Variants in PHF24 observed in about 807,000 individuals in gnomAD.
PHF24 encodes the protein PHD finger protein 24.
A neutral mutation model predicts 42.6 loss-of-function variants in PHF24; 25 were observed. That is an observed-to-expected ratio of 0.59 (90% CI 0.43 to 0.82). PHF24 has a LOEUF of 0.82. Ranked by LOEUF, PHF24 falls within the 40% of genes least tolerant of loss-of-function variation. The pLI, the probability that PHF24 is intolerant of heterozygous loss-of-function variation, is 0.00. For synonymous variants in PHF24, 185 were observed against 204.8 expected (o/e 0.90, Z 0.83); for missense variants, 470 against 538.1 (o/e 0.87, Z 1.25).
chr9:34,902,537 T>G, the PHF24 span, among the ~76,000 whole-genome samples: 3 of 152,044 alleles, frequency 2.0e-5, no homozygotes, highest in African/African-American at 7.2e-5. Flanking sequence ...TAGTCCCAGC[T>G]ACGCAACTCA....
chr9:34,837,672 T>A, the PHF24 span: 6 of 1,519,294 alleles, frequency 3.9e-6, no homozygotes, highest in Non-Finnish European at 5.4e-6. Context: ...GCTGCATCTC[T>A]AGCTCTTTGC....
chr9:34,841,310 C>T, the PHF24 span, among the ~76,000 whole-genome samples: 8 of 152,140 alleles, frequency 5.3e-5, no homozygotes, highest in Admixed American at 6.5e-5. Context: ...GAAATTCACA[C>T]TTCTAAAAAA....
At chr9:34,686,111 T>C in the PHF24 span, among the ~76,000 whole-genome samples, 2 of 152,184 alleles carry the variant, frequency 1.3e-5, no homozygotes, top group Non-Finnish European at 2.9e-5. Flanking sequence ...TGTCCTTCCA[T>C]GTGGACAAAG....
At chr9:34,955,182 A>G (rs1002669136), upstream of PHF24, among the ~76,000 whole-genome samples, 4 of 152,220 alleles carry the variant, frequency 2.6e-5, no homozygotes, top group African/African-American at 9.6e-5. Context: ...CCAGAACAAT[A>G]TTCTCTACTT....
the PHF24 span, chr9:34,725,802 G>A: frequency 6.5e-7 from 1 of 1,549,096 alleles, no homozygotes; most frequent in African/African-American, 1.4e-5. Context: ...GTTTTAGGGA[G>A]CAGTTGGGGG....
the PHF24 span, chr9:34,723,340 C>T: frequency 1.3e-6 from 2 of 1,551,642 alleles, no homozygotes; most frequent in Non-Finnish European, 1.7e-6. Flanking sequence ...TGGAGTGTAG[C>T]CGGAGCTTAT....
the PHF24 span, among the ~76,000 whole-genome samples, chr9:34,715,495 T>C: frequency 1.3e-5 from 2 of 152,028 alleles, no homozygotes; most frequent in Non-Finnish European, 2.9e-5. Context: ...GATGCAGAGC[T>C]TGGGGAAGGG....
chr9:34,735,349 C>A, the PHF24 span, among the ~76,000 whole-genome samples: 22 of 144,864 alleles, frequency 1.5e-4, no homozygotes, highest in African/African-American at 5.4e-4. Context: ...ATTGGCCAGG[C>A]AGGTCTTGAA....
the PHF24 span, among the ~76,000 whole-genome samples, chr9:34,935,342 C>T: frequency 6.6e-6 from 1 of 152,218 alleles, no homozygotes; most frequent in Non-Finnish European, 1.5e-5. Flanking sequence ...TCCCAGCACC[C>T]CAGCACTCTG....
At chr9:34,802,867 C>T in the PHF24 span, among the ~76,000 whole-genome samples, 2 of 152,218 alleles carry the variant, frequency 1.3e-5, no homozygotes, top group Non-Finnish European at 2.9e-5. Context: ...TTGACCTTCA[C>T]TGACTTCATC....
the PHF24 span, among the ~76,000 whole-genome samples, chr9:34,681,998 G>A: frequency 0.098 from 78 of 800 alleles, 2 homozygotes; most frequent in Non-Finnish European, 7.9e-3. Context: ...TTTTTTTGAG[G>A]CAGGGTCTTG....
the PHF24 span, among the ~76,000 whole-genome samples, chr9:34,939,878 C>G: frequency 2.0e-5 from 3 of 152,122 alleles, no homozygotes; most frequent in African/African-American, 7.2e-5. Flanking sequence ...GGTACACATA[C>G]TCTCCCTTCT....
intron 1 of PHF24, among the ~76,000 whole-genome samples, chr9:34,967,254 G>A (rs907549716): frequency 3.3e-5 from 5 of 152,280 alleles, no homozygotes; most frequent in Non-Finnish European, 7.4e-5. Context: ...TTTTAGAGGT[G>A]CGTTCTTCAA....
chr9:34,943,436 G>T, the PHF24 span, among the ~76,000 whole-genome samples: 1 of 152,112 alleles, frequency 6.6e-6, no homozygotes, highest in African/African-American at 2.4e-5. Context: ...AAACTAAGCA[G>T]GTCCACTCTG....
chr9:34,738,929 T>G, the PHF24 span, among the ~76,000 whole-genome samples: 3 of 152,126 alleles, frequency 2.0e-5, no homozygotes, highest in Non-Finnish European at 4.4e-5. Flanking sequence ...GAACAGACAG[T>G]GTTAGGATGT....
At chr9:34,783,674 C>T in the PHF24 span, among the ~76,000 whole-genome samples, 6 of 152,166 alleles carry the variant, frequency 3.9e-5, no homozygotes, top group African/African-American at 1.4e-4. Context: ...ATAAGTTGTT[C>T]TGGTAATATT....
chr9:34,728,671 A>G, the PHF24 span: 3 of 1,551,346 alleles, frequency 1.9e-6, no homozygotes, highest in South Asian at 1.2e-5. Flanking sequence ...AGACAAAAAC[A>G]TTAGAATGTG....
chr9:34,939,928 A>G, the PHF24 span, among the ~76,000 whole-genome samples: 1 of 152,178 alleles, frequency 6.6e-6, no homozygotes, highest in African/African-American at 2.4e-5. Context: ...GGGGTGTGAC[A>G]GAGCAGGAGC....
the PHF24 span, among the ~76,000 whole-genome samples, chr9:34,705,720 T>C: frequency 6.6e-6 from 1 of 152,170 alleles, no homozygotes; most frequent in Non-Finnish European, 1.5e-5. Context: ...TTAAATTTAA[T>C]GGTGTTGATC....
Sources: gnomAD v4.1 joint callset for allele counts (sites outside exome capture counted in the v4.1 genomes callset) on GRCh38, gnomAD v4.1.1 for gene constraint, MANE v1.5 for transcripts, NCBI Gene and HGNC (gene_info 2026-07-23, HGNC 2026-07-21) for gene names.